THSD7B: variants seen among roughly 807,000 people sequenced by gnomAD.
THSD7B encodes thrombospondin type-1 domain-containing protein 7B.
A neutral mutation model predicts 213.6 loss-of-function variants in THSD7B; 138 were observed. That is an observed-to-expected ratio of 0.65 (90% CI 0.56 to 0.74). THSD7B has a LOEUF of 0.74. Ranked by LOEUF, THSD7B falls within the 30% of genes least tolerant of loss-of-function variation. THSD7B has a pLI of 0.00. For missense variants in THSD7B, 1,931 were observed against 1,991.5 expected, an observed-to-expected ratio of 0.97 and a Z score of 0.58; for synonymous variants, 742 against 687.0, an observed-to-expected ratio of 1.08 and a Z score of -1.25.
intron 2 of THSD7B, among the ~76,000 whole-genome samples, chr2:137,039,386 T>C (rs1266569405): frequency 6.6e-6 from 1 of 152,340 alleles, no homozygotes; most frequent in Admixed American, 6.5e-5. Context: ...CATTTGGCAA[T>C]GTCTGGAGAC....
At chr2:136,788,831 C>T (rs547678741) in intron 1 of THSD7B, among the ~76,000 whole-genome samples, 1 of 152,188 alleles carries the variant, frequency 6.6e-6, no homozygotes, top group South Asian at 2.1e-4. Flanking sequence ...GAATTAGAGG[C>T]ATGTCTCTTT....
chr2:136,851,490 T>C (rs1683098737), intron 1 of THSD7B, among the ~76,000 whole-genome samples: 1 of 152,188 alleles, frequency 6.6e-6, no homozygotes, highest in Non-Finnish European at 1.5e-5. Flanking sequence ...ATTTATGTCA[T>C]TGTATTGTTA....
intron 15 of THSD7B, among the ~76,000 whole-genome samples, chr2:137,509,328 C>T (rs1266833033): frequency 1.3e-4 from 19 of 143,276 alleles, no homozygotes; most frequent in African/African-American, 4.7e-4. Flanking sequence ...TTTTCTCTTT[C>T]TTTCTTTCTT....
At chr2:137,366,167 C>T (rs988265751) in intron 12 of THSD7B, among the ~76,000 whole-genome samples, 2 of 152,126 alleles carry the variant, frequency 1.3e-5, no homozygotes, top group African/African-American at 2.4e-5. Flanking sequence ...CACATGTTCT[C>T]ACTCATAGGT....
At chr2:137,473,302 C>T (rs1688128091) in intron 15 of THSD7B, among the ~76,000 whole-genome samples, 1 of 151,950 alleles carries the variant, frequency 6.6e-6, no homozygotes, top group African/African-American at 2.4e-5. Flanking sequence ...TCACTGCAGG[C>T]TCTGTCTTCC....
At chr2:136,828,956 T>G (rs1442515556) in intron 1 of THSD7B, among the ~76,000 whole-genome samples, 1 of 152,216 alleles carries the variant, frequency 6.6e-6, no homozygotes, top group Admixed American at 6.5e-5. Flanking sequence ...GAGCATGCAC[T>G]CAGTAACTAA....
intron 2 of THSD7B, among the ~76,000 whole-genome samples, chr2:137,032,114 T>C (rs1686686112): frequency 6.6e-6 from 1 of 152,040 alleles, no homozygotes; most frequent in South Asian, 2.1e-4. Context: ...ATGCTGAGAT[T>C]ACAGGAGTGA....
At chr2:137,200,837 T>G (rs1386823550) in intron 7 of THSD7B, among the ~76,000 whole-genome samples, 1 of 151,790 alleles carries the variant, frequency 6.6e-6, no homozygotes, top group Non-Finnish European at 1.5e-5. Flanking sequence ...GCCTGGCTAA[T>G]TTAGATATAT....
intron 15 of THSD7B, among the ~76,000 whole-genome samples, chr2:137,507,716 CTG>C (rs1679869399): frequency 6.6e-6 from 1 of 150,434 alleles, no homozygotes; most frequent in South Asian, 2.1e-4. Flanking sequence ...CTCCTTTTTT[CTG>C]TCTTCTTTCC....
At chr2:136,823,668 C>A (rs1682599611) in intron 1 of THSD7B, among the ~76,000 whole-genome samples, 1 of 152,130 alleles carries the variant, frequency 6.6e-6, no homozygotes, top group South Asian at 2.1e-4. Flanking sequence ...ATTACTTGGG[C>A]AGCACTTTCT....
chr2:136,836,464 T>C (rs1682844137), intron 1 of THSD7B, among the ~76,000 whole-genome samples: 2 of 152,224 alleles, frequency 1.3e-5, no homozygotes, highest in Non-Finnish European at 2.9e-5. Flanking sequence ...TTAGTGTGTG[T>C]ACATTCACTT....
At chr2:137,644,723 C>T (rs1036830483) in intron 21 of THSD7B, among the ~76,000 whole-genome samples, 11 of 152,076 alleles carry the variant, frequency 7.2e-5, no homozygotes, top group African/African-American at 1.4e-4. Flanking sequence ...ATCTTTCTGC[C>T]GCTGCATTTG....
rs568269430 is a variant in THSD7B, at chr2:137,521,406, A to G, written c.3139-41815A>G. On this transcript the variant is annotated intron_variant, in intron 15 of 27. Coordinates refer to ENST00000409968, the MANE Select transcript of THSD7B (RefSeq NM_001316349.2). ...AGCTTGTACACTCATGGGTAGAGAG[A>G]TCTGTAAATAAATTGTAATAAGTCA... Among the ~76,000 whole-genome samples the G allele has an allele frequency of 7.0e-4, 107 of 152,164 alleles. 1 individual carries two copies. The South Asian group carries it at 0.013, about 18-fold the overall frequency.
At chr2:137,153,515 G>A (rs754371576) in intron 5 of THSD7B, among the ~76,000 whole-genome samples, 1 of 152,114 alleles carries the variant, frequency 6.6e-6, no homozygotes, top group African/African-American at 2.4e-5. Flanking sequence ...AGGTATAATA[G>A]GATGAGAAGT....
At chr2:137,375,411 A>G (rs534100527) in intron 12 of THSD7B, among the ~76,000 whole-genome samples, 1 of 152,304 alleles carries the variant, frequency 6.6e-6, no homozygotes, top group East Asian at 1.9e-4. Flanking sequence ...GTTAAATACC[A>G]TTATTCTGGA....
chr2:137,317,454 A>T (rs986827093), intron 12 of THSD7B, among the ~76,000 whole-genome samples: 1 of 152,222 alleles, frequency 6.6e-6, no homozygotes, highest in Non-Finnish European at 1.5e-5. Flanking sequence ...GGATCAAGTG[A>T]TGTCAAGCAA....
At chr2:136,996,353 T>C (rs1685889183) in intron 2 of THSD7B, among the ~76,000 whole-genome samples, 2 of 152,090 alleles carry the variant, frequency 1.3e-5, no homozygotes, top group Admixed American at 1.3e-4. Context: ...TTTCTTTTCT[T>C]TTTTTTCAGA....
At chr2:137,529,464 C>G (rs961951538) in intron 15 of THSD7B, among the ~76,000 whole-genome samples, 1 of 150,950 alleles carries the variant, frequency 6.6e-6, no homozygotes, top group African/African-American at 2.4e-5. Flanking sequence ...CATAGGGAGG[C>G]CTCATAAAGA....
chr2:137,652,659 T>G (rs1472920149), intron 21 of THSD7B, among the ~76,000 whole-genome samples: 1 of 152,126 alleles, frequency 6.6e-6, no homozygotes, highest in East Asian at 1.9e-4. Flanking sequence ...TGTGGTGAAG[T>G]TATTTTCTCT....
Sources: gnomAD v4.1 joint callset for allele counts (sites outside exome capture counted in the v4.1 genomes callset) on GRCh38, gnomAD v4.1.1 for gene constraint, MANE v1.5 for transcripts, NCBI Gene and HGNC (gene_info 2026-07-23, HGNC 2026-07-21) for gene names.